DNAJC6: variants seen among roughly 807,000 people sequenced by gnomAD.
The protein encoded by DNAJC6 is auxilin.
DNAJC6 carries 34 observed loss-of-function variants against 110.0 expected under a neutral mutation model. The ratio of observed to expected loss-of-function variants is 0.31; its 90% CI spans 0.24 to 0.41. DNAJC6 has a LOEUF of 0.41. Among genes scored for constraint, DNAJC6 ranks in the 10% least tolerant of loss-of-function variants. DNAJC6 has a pLI of 1.00. For synonymous variants in DNAJC6, 406 were observed against 437.2 expected (o/e 0.93, Z 0.89); for missense variants, 1,031 against 1,207.8 (o/e 0.85, Z 2.17).
In DNAJC6 at chr1:65,345,266, G is replaced by A. The variant is rs1570306181; in HGVS notation, c.194-19369G>A. ...TGTGTGTGTGTGTGTGTGTGTGTGT[G>A]TATTTTGCCCATTAGGATCTCCTCC... On this transcript the variant is annotated intron_variant, in intron 1 of 18. Transcript: ENST00000371069. Among the ~76,000 whole-genome samples the A allele has an allele frequency of 2.2e-5, 3 of 139,380 alleles. No individual in the cohort carries two copies. In the East Asian group the frequency reaches 6.7e-4, roughly 31 times the overall value. 91.4% of individuals were successfully genotyped at this position (139,380 alleles called of 152,430 possible).
rs751600512 is a variant in DNAJC6 at position 65,394,973 on chromosome 1, C to T, written c.1979C>T (p.Ser660Phe). ...QDLLGSFLNT[S>F]SASSDPFLQP... ...TTGCTGGGTTCTTTTCTGAACACAT[C>T]CAGTGCTTCCAGTGACCCCTTTCTC... Residue 660 changes from serine to phenylalanine, a missense_variant, in exon 13 of 19, where the codon TCC becomes TTC. Physicochemically the swap from Ser to Phe is radical, Grantham distance 155. Coordinates refer to ENST00000371069, the MANE Select transcript of DNAJC6 (RefSeq NM_001256864.2). The T allele has an allele frequency of 2.5e-6, 4 of 1,612,728 alleles. No homozygotes were observed. Among genetic ancestry groups the T allele is most frequent in the Non-Finnish European group, 2.5e-6 (3 of 1,179,520 alleles).
In DNAJC6 at chr1:65,325,736, C is replaced by T. The variant is rs193242278; in HGVS notation, c.193+15798C>T. On this transcript the variant is annotated intron_variant, in intron 1 of 18. Transcript: ENST00000371069. ...TAGCCATACGTTCTGAGAAACGCATCTTTGGGCAATTTTGTTGTGCAAACA... is the reference window on the plus strand; with the variant it reads ...TAGCCATACGTTCTGAGAAACGCATTTTTGGGCAATTTTGTTGTGCAAACA... Among the ~76,000 whole-genome samples the T allele has an allele frequency of 9.8e-5, 15 of 152,318 alleles. No individual in the cohort carries two copies. In the East Asian group the frequency reaches 2.7e-3, roughly 27 times the overall value.
chr1:65,345,623 T>C (rs1645430140), intron 1 of DNAJC6: 5 of 984,168 alleles, frequency 5.1e-6, no homozygotes, highest in Non-Finnish European at 6.0e-6. Context: ...GTGGTTATTA[T>C]TGAGTCGAGA....
At chr1:65,271,607 C>T (rs1195234714) in intron 1 of DNAJC6, among the ~76,000 whole-genome samples, 1 of 152,078 alleles carries the variant, frequency 6.6e-6, no homozygotes, top group Non-Finnish European at 1.5e-5. Flanking sequence ...TGGCTTATGA[C>T]TGTAATCCTA....
At chr1:65,271,921 T>C (rs1267462270) in intron 1 of DNAJC6, among the ~76,000 whole-genome samples, 1 of 152,126 alleles carries the variant, frequency 6.6e-6, no homozygotes, top group Non-Finnish European at 1.5e-5. Flanking sequence ...GTTGACCTTA[T>C]TTCAGTGACC....
Position 65,386,823 on chromosome 1 carries a change from T to C in DNAJC6, c.1007T>C (p.Val336Ala). The stretch of plus-strand genomic sequence containing the variant: ...GTCTGTGTTTACAGAGAATATCGTG[T>C]CCAAGATGGAAAAATCTTCATTCCC... ...TDFERMKEYR[V>A]QDGKIFIPLN... Residue 336 changes from valine (V) to alanine (A), a missense_variant, in exon 8 of 19, where the codon GTC becomes GCC. Transcript: ENST00000371069. 6.2e-7 allele frequency: 1 copy of C among 1,614,104 alleles called. No individual in the cohort carries two copies. Among genetic ancestry groups the C allele is most frequent in the Non-Finnish European group, 8.5e-7 (1 of 1,179,958 alleles).
At chr1:65,333,853 G>T (rs775829226) in intron 1 of DNAJC6, among the ~76,000 whole-genome samples, 17 of 152,136 alleles carry the variant, frequency 1.1e-4, no homozygotes, top group Admixed American at 8.5e-4. Flanking sequence ...GCAGAGCCTG[G>T]AAAATCATTA....
chr1:65,306,108 C>T (rs754504451), upstream of DNAJC6, among the ~76,000 whole-genome samples: 1 of 145,212 alleles, frequency 6.9e-6, no homozygotes, highest in East Asian at 2.0e-4. Flanking sequence ...GACAGAGTCT[C>T]GCTTTGTTGG....
chr1:65,399,920 C>T (rs1237737254), intron 14 of DNAJC6, among the ~76,000 whole-genome samples: 3 of 152,106 alleles, frequency 2.0e-5, no homozygotes, highest in Non-Finnish European at 2.9e-5. Context: ...GTGGCTCACG[C>T]TTATAATCCC....
At chr1:65,303,834 C>G in intron 1 of DNAJC6, among the ~76,000 whole-genome samples, 1 of 152,178 alleles carries the variant, frequency 6.6e-6, no homozygotes. Flanking sequence ...CTCAGCCTCC[C>G]AAAGTGCAAT....
intron 1 of DNAJC6, among the ~76,000 whole-genome samples, chr1:65,349,562 A>G (rs1645471711): frequency 6.6e-6 from 1 of 151,900 alleles, no homozygotes; most frequent in South Asian, 2.1e-4. Flanking sequence ...TTTTGAAAGG[A>G]TTTTTTGCTG....
chr1:65,303,097 T>C (rs1645004730), intron 1 of DNAJC6, among the ~76,000 whole-genome samples: 1 of 152,226 alleles, frequency 6.6e-6, no homozygotes, highest in Admixed American at 6.5e-5. Context: ...CAAATGGAAA[T>C]GTGTTTTTTA....
At chr1:65,390,098 C>T (rs1405121236) in intron 11 of DNAJC6, among the ~76,000 whole-genome samples, 2 of 152,146 alleles carry the variant, frequency 1.3e-5, no homozygotes, top group Admixed American at 1.3e-4. Flanking sequence ...CTACTTTCAA[C>T]TCAGTAGATG....
chr1:65,411,439 T>C lies in DNAJC6; in HGVS notation c.2811+13T>C, dbSNP rs765283168. ...GCACCCAGATAAAGTGGGTATAACC[T>C]GCCCTGTTGTGTAACTTGTCAGGTC... On this transcript the variant is annotated intron_variant, in intron 18 of 18. Transcript: ENST00000371069. 3.7e-6 allele frequency: 6 copies of C among 1,605,788 alleles called. No homozygotes were observed. The highest frequency in any genetic ancestry group is 1.7e-6 in the Non-Finnish European group (2 of 1,173,976).
chr1:65,293,540 G>A (rs1644900353), intron 1 of DNAJC6, among the ~76,000 whole-genome samples: 1 of 152,108 alleles, frequency 6.6e-6, no homozygotes, highest in Non-Finnish European at 1.5e-5. Flanking sequence ...CACAAGGCCA[G>A]CCCAGATTCA....
At chr1:65,395,171 C>G in intron 13 of DNAJC6, 139 bp downstream of exon 13, 1 of 938,076 alleles carries the variant, frequency 1.1e-6, no homozygotes, top group Non-Finnish European at 1.5e-6. Flanking sequence ...AAATTAACAA[C>G]TCACCTTAAC....
chr1:65,379,601 G>A (rs1373330731), intron 5 of DNAJC6, 77 bp downstream of exon 5: 23 of 1,537,454 alleles, frequency 1.5e-5, no homozygotes, highest in African/African-American at 1.4e-5. Flanking sequence ...ATGGTAGACA[G>A]GTAACATTTG....
At chr1:65,269,894 C>G (rs183074668) in intron 1 of DNAJC6, among the ~76,000 whole-genome samples, 35 of 152,334 alleles carry the variant, frequency 2.3e-4, no homozygotes, top group Admixed American at 2.1e-3. Context: ...CTCCGGTGTT[C>G]TGGGCTGTTC....
At position 65,410,885 on chromosome 1, in the gene DNAJC6, G is replaced by A. The variant is rs529898191; in HGVS notation, c.2635-365G>A. Among the ~76,000 whole-genome samples, 393 of 152,346 alleles carry A rather than the reference G, an allele frequency of 2.6e-3. 1 individual carries two copies. Among genetic ancestry groups the A allele is most frequent in the African/African-American group, 9.0e-3 (376 of 41,578 alleles). On this transcript the variant is annotated intron_variant, in intron 17 of 18. Coordinates refer to ENST00000371069, the MANE Select transcript of DNAJC6 (RefSeq NM_001256864.2). ...TTATGGTAGAAATATGTTTAAGGTA[G>A]AGTGGCCCAGAGAAGTTTGGCCCTT... is the stretch of plus-strand genomic sequence containing the variant.
Sources: gnomAD v4.1 joint callset for allele counts (sites outside exome capture counted in the v4.1 genomes callset) on GRCh38, gnomAD v4.1.1 for gene constraint, MANE v1.5 for transcripts, NCBI Gene and HGNC (gene_info 2026-07-23, HGNC 2026-07-21) for gene names.